TASOR: variants seen among roughly 807,000 people sequenced by gnomAD.
TASOR encodes protein TASOR.
In TASOR, 53 loss-of-function variants were observed where a neutral mutation model predicts 178.6. The ratio of observed to expected loss-of-function variants is 0.30; its 90% confidence interval spans 0.24 to 0.37. The LOEUF is 0.37. Among genes scored for constraint, TASOR ranks in the 10% least tolerant of loss-of-function variants. TASOR has a pLI of 1.00. For missense variants in TASOR, 1,815 were observed against 1,971.4 expected (o/e 0.92, Z 1.50); for synonymous variants, 713 against 696.2 (o/e 1.02, Z -0.38).
chr3:56,628,735 T>C (rs2076847520), intron 18 of TASOR, 121 bp from the exon 19 acceptor site: 1 of 668,484 alleles, frequency 1.5e-6, no homozygotes, highest in African/African-American at 1.9e-5. Flanking sequence ...TAACAATGAA[T>C]GAACTTACAC....
intron 22 of TASOR, 54 bp downstream of exon 22, chr3:56,624,774 C>T: frequency 6.3e-7 from 1 of 1,580,654 alleles, no homozygotes; most frequent in Non-Finnish European, 8.6e-7. Context: ...CCATAAAATC[C>T]TTTCATTCAC....
intron 11 of TASOR, among the ~76,000 whole-genome samples, chr3:56,660,154 G>GC (rs1388804459): frequency 1.3e-5 from 2 of 151,762 alleles, no homozygotes; most frequent in Non-Finnish European, 2.9e-5. Flanking sequence ...AGCCACCAAC[G>GC]CCCGGCCTGA....
At position 56,633,869 on chromosome 3, in the gene TASOR, G is replaced by A. The variant is rs1323116033; in HGVS notation, c.2922C>T (p.Tyr974=). 9 of 1,610,506 alleles carry A rather than the reference G, an allele frequency of 5.6e-6. No individual in the cohort carries two copies. Among genetic ancestry groups the A allele is most frequent in the Middle Eastern group, 1.7e-4 (1 of 6,058 alleles). ...CTGTAAATGGAGAGGATGGAAACTG[G>A]TAATCAGAACTTCTCTGTCTATTTA... is the stretch of plus-strand genomic sequence containing the variant. ...RVINRQRSSD[Y]QFPSSPFTDT... The change falls in exon 18 of 24, where the codon TAC becomes TAT. Residue 974 remains tyrosine, a synonymous_variant. Coordinates refer to ENST00000683822, the MANE Select transcript of TASOR (RefSeq NM_001365635.2).
chr3:56,660,456 A>G (rs1331542649), intron 11 of TASOR, among the ~76,000 whole-genome samples: 1 of 143,050 alleles, frequency 7.0e-6, no homozygotes, highest in African/African-American at 2.7e-5. Flanking sequence ...ACGCCACTGT[A>G]CTCCATCCTG....
At chr3:56,677,451 T>G (rs768977103) in intron 1 of TASOR, among the ~76,000 whole-genome samples, 3 of 152,222 alleles carry the variant, frequency 2.0e-5, no homozygotes, top group Non-Finnish European at 2.9e-5. Flanking sequence ...AACTACACTA[T>G]GAAGTTCAAC....
intron 11 of TASOR, among the ~76,000 whole-genome samples, chr3:56,659,832 T>C (rs1234519307): frequency 1.3e-5 from 2 of 152,124 alleles, no homozygotes; most frequent in South Asian, 4.1e-4. Flanking sequence ...CTAGTGTTCC[T>C]TTATCTCCTC....
In TASOR at chr3:56,663,330, A is replaced by G. The variant is rs114953694; in HGVS notation, c.1054+211T>C. ...CCTGTTTTATTTTTTATCTTTTTCT[A>G]TTAAAGTGCTAAAACCTTTCAGTCT... On this transcript the variant is annotated intron_variant, in intron 8 of 23. Coordinates refer to ENST00000683822, the MANE Select transcript of TASOR (RefSeq NM_001365635.2). 3.5e-3 allele frequency among the ~76,000 whole-genome samples: 535 copies of G among 152,338 alleles called. 3 individuals carry two copies. Among genetic ancestry groups the G allele is most frequent in the African/African-American group, 0.012 (517 of 41,590 alleles).
intron 14 of TASOR, 36 bp downstream of exon 14, chr3:56,646,486 A>AT: frequency 6.6e-7 from 1 of 1,514,584 alleles, no homozygotes. Flanking sequence ...GAACTACTTT[A>AT]TTTTTGGCTG....
chr3:56,640,200 T>G, intron 15 of TASOR, 70 bp from the exon 16 acceptor site: 2 of 1,429,376 alleles, frequency 1.4e-6, no homozygotes, highest in Non-Finnish European at 1.9e-6. Flanking sequence ...AAACTGTTTT[T>G]TCACTGAAAA....
In TASOR at chr3:56,666,268, A is replaced by C; in HGVS notation, c.1014T>G (p.Pro338=). 6.5e-7 allele frequency: 1 copy of C among 1,538,068 alleles called. No individual in the cohort carries two copies. Among genetic ancestry groups the C allele is most frequent in the East Asian group, 2.5e-5 (1 of 40,632 alleles). Residue 338 remains proline (P), a synonymous_variant, in exon 7 of 24, where the codon CCT becomes CCG. Coordinates refer to ENST00000683822, the MANE Select transcript of TASOR (RefSeq NM_001365635.2). The part of the protein sequence containing the change: ...KDDIQTPKFV[P]SSRSNSFNTD... ...AAACTCCTAAGTCTTACCTTGATGAAGGTACAAACTTCGGAGTTTGTATAT... is the reference window on the plus strand; with the variant it reads ...AAACTCCTAAGTCTTACCTTGATGACGGTACAAACTTCGGAGTTTGTATAT...
At position 56,621,121 on chromosome 3, in the gene TASOR, T is replaced by C. The variant is rs1335025935; in HGVS notation, c.*1916A>G. 1 of 152,152 alleles carries C rather than the reference T, an allele frequency of 6.6e-6. No individual in the cohort carries two copies. The highest frequency in any genetic ancestry group is 1.5e-5 in the Non-Finnish European group (1 of 68,874). The allele number at this position is 152,152 out of a possible 1,614,324, so 9.4% of individuals were successfully genotyped here. On this transcript the variant is annotated 3_prime_UTR_variant, in exon 24 of 24. Coordinates refer to ENST00000683822, the MANE Select transcript of TASOR (RefSeq NM_001365635.2). ...AGAGCTTGCAGTGAGATTGCACCAC[T>C]GTACTCCAGCTTGGGCGACAGAGCG...
rs1482220102 is a variant in TASOR at position 56,683,180 on chromosome 3, G to A, written c.-174C>T. ...CAGCCTCTTGGGGGGCCCTGTAGCGGGCACCCCAAATGCGCTGCCCGGTCC... is the reference window on the plus strand; with the variant it reads ...CAGCCTCTTGGGGGGCCCTGTAGCGAGCACCCCAAATGCGCTGCCCGGTCC... On this transcript the variant is annotated 5_prime_UTR_variant, in exon 1 of 24. Coordinates refer to ENST00000683822, the MANE Select transcript of TASOR (RefSeq NM_001365635.2). The A allele has an allele frequency of 9.1e-6, 6 of 656,720 alleles. No individual in the cohort carries two copies. The highest frequency in any genetic ancestry group is 1.5e-5 in the Non-Finnish European group (6 of 400,768). 40.7% of individuals were successfully genotyped at this position (656,720 alleles called of 1,614,324 possible).
At chr3:56,644,172 T>C (rs1486538290) in intron 14 of TASOR, among the ~76,000 whole-genome samples, 1 of 152,266 alleles carries the variant, frequency 6.6e-6, no homozygotes, top group Non-Finnish European at 1.5e-5. Flanking sequence ...ACTAACTTCA[T>C]AACTTTTGGT....
intron 3 of TASOR, among the ~76,000 whole-genome samples, chr3:56,670,396 C>T (rs778605159): frequency 3.9e-5 from 6 of 152,020 alleles, no homozygotes; most frequent in Non-Finnish European, 8.8e-5. Context: ...TCCCTCTGCC[C>T]TCTAGGCTGG....
intron 14 of TASOR, among the ~76,000 whole-genome samples, chr3:56,643,754 C>CAA (rs766546690): frequency 7.3e-4 from 65 of 89,024 alleles, no homozygotes; most frequent in Non-Finnish European, 1.3e-3. Context: ...GACTCCGTCT[C>CAA]AAAAAAAAAA....
intron 1 of TASOR, among the ~76,000 whole-genome samples, chr3:56,679,951 G>A (rs1482967473): frequency 6.6e-6 from 1 of 152,088 alleles, no homozygotes; most frequent in East Asian, 1.9e-4. Flanking sequence ...TAGTATGTCA[G>A]TACCAACCAA....
intron 19 of TASOR, among the ~76,000 whole-genome samples, chr3:56,627,949 G>A (rs1027481359): frequency 5.3e-5 from 8 of 152,120 alleles, no homozygotes; most frequent in East Asian, 1.9e-4. Flanking sequence ...TACCACAGAC[G>A]ACTAAGGAAA....
chr3:56,626,692 G>A (rs529405308), intron 21 of TASOR, among the ~76,000 whole-genome samples: 72 of 151,828 alleles, frequency 4.7e-4, no homozygotes, highest in African/African-American at 1.6e-3. Context: ...GCAGTGAGGC[G>A]AGATCGTCCC....
At chr3:56,660,705 G>A in intron 11 of TASOR, 26 bp downstream of exon 11, 1 of 1,551,700 alleles carries the variant, frequency 6.4e-7, no homozygotes, top group Non-Finnish European at 8.9e-7. Context: ...CAAAGAATGA[G>A]AAACATTAAA....
Sources: allele counts gnomAD v4.1 joint callset (sites outside exome capture counted in the v4.1 genomes callset), GRCh38; gene constraint gnomAD v4.1.1; transcripts MANE v1.5; gene names NCBI Gene and HGNC (gene_info 2026-07-23, HGNC 2026-07-21).